GLIS1: variants seen among roughly 807,000 people sequenced by gnomAD.
GLIS1 encodes the protein GLIS family zinc finger 1, also known as zinc finger protein GLIS1.
In GLIS1, 24 loss-of-function variants were observed where a neutral mutation model predicts 63.8. The observed-to-expected ratio is 0.38, with a 90% CI of 0.27 to 0.53. The LOEUF (loss-of-function observed/expected upper bound fraction) is 0.53, where lower values mean the gene tolerates loss of function less well. Ranked by LOEUF, GLIS1 falls within the 20% of genes least tolerant of loss-of-function variation. The pLI, the probability that GLIS1 is intolerant of heterozygous loss-of-function variation, is 0.85. For synonymous variants in GLIS1, 450 were observed against 482.5 expected (o/e 0.93, Z 0.88); for missense variants, 1,036 against 1,074.1 (o/e 0.96, Z 0.50).
chr1:53,612,547 C>G (rs1323395545), intron 2 of GLIS1, among the ~76,000 whole-genome samples: 1 of 152,036 alleles, frequency 6.6e-6, no homozygotes, highest in African/African-American at 2.4e-5. Context: ...GCCTGTTAGG[C>G]TTACTTTTTG....
At chr1:53,587,357 C>A (rs1645146086) in intron 4 of GLIS1, among the ~76,000 whole-genome samples, 1 of 152,210 alleles carries the variant, frequency 6.6e-6, no homozygotes, top group Admixed American at 6.5e-5. Context: ...TGGATGCCAA[C>A]TTGCAAGCTG....
chr1:53,682,230 C>A (rs572977797), intron 2 of GLIS1, among the ~76,000 whole-genome samples: 6 of 152,378 alleles, frequency 3.9e-5, no homozygotes, highest in South Asian at 2.1e-4. Flanking sequence ...GACCCGCTTG[C>A]AGCCATGCAT....
intron 2 of GLIS1, among the ~76,000 whole-genome samples, 162 bp downstream of exon 2, chr1:53,737,644 G>T (rs182248163): frequency 2.6e-4 from 39 of 152,370 alleles, no homozygotes; most frequent in African/African-American, 9.4e-4. Context: ...GCTTCGCAAA[G>T]CAGGCATACT....
At chr1:53,618,564 G>T (rs1327267555) in intron 2 of GLIS1, among the ~76,000 whole-genome samples, 1 of 152,220 alleles carries the variant, frequency 6.6e-6, no homozygotes, top group African/African-American at 2.4e-5. Context: ...CAGGGAGGCT[G>T]CAGACTTGCC....
intron 4 of GLIS1, among the ~76,000 whole-genome samples, chr1:53,543,446 T>C (rs986528241): frequency 1.3e-5 from 2 of 152,106 alleles, no homozygotes; most frequent in African/African-American, 4.8e-5. Flanking sequence ...CCAGGGCCCC[T>C]GAGGAGTGAG....
rs964781429 is a variant in GLIS1, at chr1:53,539,841, C to A, written c.1321-9889G>T. ...CTCCTGACCTCTGAGTGGTGGCTGGCCTGGCCTGGCCTTGGGGACAGCATG... is the reference window on the plus strand; with the variant it reads ...CTCCTGACCTCTGAGTGGTGGCTGGACTGGCCTGGCCTTGGGGACAGCATG... On this transcript the variant is annotated intron_variant, in intron 4 of 10. Transcript: ENST00000628545. The surrounding 1 kb of genome is among the most constrained non-coding windows in gnomAD (Gnocchi z 5.0). 6.6e-6 allele frequency among the ~76,000 whole-genome samples: 1 copy of A among 152,166 alleles called. No individual in the cohort carries two copies. The highest frequency in any genetic ancestry group is 2.4e-5 in the African/African-American group (1 of 41,422).
chr1:53,516,402 C>T (rs755365892), intron 7 of GLIS1, among the ~76,000 whole-genome samples: 28 of 152,220 alleles, frequency 1.8e-4, no homozygotes, highest in Admixed American at 2.6e-4. Flanking sequence ...GTGGCAGGGA[C>T]GGCAAGCTCA....
intron 2 of GLIS1, among the ~76,000 whole-genome samples, chr1:53,711,541 G>A (rs1481198029): frequency 6.6e-6 from 1 of 152,202 alleles, no homozygotes. Flanking sequence ...GCACAGCAGG[G>A]AGCTCGGGCC....
chr1:53,649,587 G>T (rs1033342570), intron 2 of GLIS1, among the ~76,000 whole-genome samples: 1 of 152,212 alleles, frequency 6.6e-6, no homozygotes, highest in Non-Finnish European at 1.5e-5. Context: ...CTCCCAAGAA[G>T]CAGAGAAAAG....
intron 4 of GLIS1, among the ~76,000 whole-genome samples, chr1:53,564,592 T>C (rs1179537783): frequency 2.0e-5 from 3 of 152,012 alleles, no homozygotes; most frequent in Admixed American, 2.0e-4. Flanking sequence ...CTAATTACAA[T>C]AAACACATCT....
At chr1:53,663,990 G>C (rs1646060687) in intron 2 of GLIS1, among the ~76,000 whole-genome samples, 1 of 152,150 alleles carries the variant, frequency 6.6e-6, no homozygotes, top group Non-Finnish European at 1.5e-5. Flanking sequence ...CTCCCCTCCT[G>C]ACTGCTCTTG....
At position 53,556,897 on chromosome 1, in the gene GLIS1, G is replaced by A. The variant is rs192730039; in HGVS notation, c.1321-26945C>T. Reference sequence around the variant, plus strand: ...TGTATGCAGATGTGTGTGTGCAGGTGTACTGCAGGTATGTGTGTGTGTGTG... The same window carrying A: ...TGTATGCAGATGTGTGTGTGCAGGTATACTGCAGGTATGTGTGTGTGTGTG... On this transcript the variant is annotated intron_variant, in intron 4 of 10. Coordinates refer to ENST00000628545, the MANE Select transcript of GLIS1 (RefSeq NM_001367484.1). Among the ~76,000 whole-genome samples, 34 of 148,148 alleles carry A rather than the reference G, an allele frequency of 2.3e-4. No homozygotes were observed. The East Asian group carries it at 6.6e-3, about 29-fold the overall frequency.
At chr1:53,631,195 C>T (rs192058519) in intron 2 of GLIS1, among the ~76,000 whole-genome samples, 46 of 152,270 alleles carry the variant, frequency 3.0e-4, no homozygotes, top group Admixed American at 2.9e-3. Context: ...TAAAGCTAGT[C>T]CTTTTCCAAC....
Position 53,598,091 on chromosome 1 carries a change from G to C in GLIS1, c.437+2010C>G, listed in dbSNP as rs1208599403. ...ACGGCTCAAAAACTATAAGACGCTTGCTCCTTGCTATGGACTGATTTGTGT... is the reference window on the plus strand; with the variant it reads ...ACGGCTCAAAAACTATAAGACGCTTCCTCCTTGCTATGGACTGATTTGTGT... On this transcript the variant is annotated intron_variant, in intron 3 of 10. Coordinates refer to ENST00000628545, the MANE Select transcript of GLIS1 (RefSeq NM_001367484.1). This position sits in a 1 kb window ranked among gnomAD's most constrained non-coding sequence, Gnocchi z 4.6. Among the ~76,000 whole-genome samples, 1 of 152,182 alleles carries C rather than the reference G, an allele frequency of 6.6e-6. No individual in the cohort carries two copies. The highest frequency in any genetic ancestry group is 2.4e-5 in the African/African-American group (1 of 41,438).
chr1:53,701,836 T>C (rs1000258510), intron 2 of GLIS1, among the ~76,000 whole-genome samples: 5 of 151,386 alleles, frequency 3.3e-5, no homozygotes, highest in African/African-American at 9.7e-5. Context: ...CTACTAAAAA[T>C]ACAAAAATTA....
intron 2 of GLIS1, among the ~76,000 whole-genome samples, 193 bp from the exon 3 acceptor site, chr1:53,600,471 A>C (rs1166930153): frequency 6.6e-6 from 1 of 152,114 alleles, no homozygotes; most frequent in Non-Finnish European, 1.5e-5. Context: ...GATCGATAAT[A>C]AAATCCTCCA....
At chr1:53,661,720 A>G (rs766013662) in intron 2 of GLIS1, among the ~76,000 whole-genome samples, 3 of 152,120 alleles carry the variant, frequency 2.0e-5, no homozygotes, top group Admixed American at 1.3e-4. Flanking sequence ...TGGGACCTCT[A>G]TGCTGCCCCT....
intron 10 of GLIS1, among the ~76,000 whole-genome samples, chr1:53,508,611 T>A (rs895347854): frequency 9.9e-5 from 15 of 152,188 alleles, no homozygotes; most frequent in African/African-American, 3.6e-4. Flanking sequence ...TCCCTGGGCT[T>A]CTCTAGCCAA....
intron 2 of GLIS1, among the ~76,000 whole-genome samples, chr1:53,655,729 T>A (rs1339925551): frequency 6.6e-6 from 1 of 152,196 alleles, no homozygotes; most frequent in Non-Finnish European, 1.5e-5. Flanking sequence ...CTTATTTCCC[T>A]TGCCTACATG....
Sources: allele counts gnomAD v4.1 joint callset (sites outside exome capture counted in the v4.1 genomes callset), GRCh38; gene constraint gnomAD v4.1.1; non-coding constraint Gnocchi (gnomAD v3.1); transcripts MANE v1.5; gene names NCBI Gene and HGNC (gene_info 2026-07-23, HGNC 2026-07-21).